B4GALNT3: variants seen among roughly 807,000 people sequenced by gnomAD.
The protein encoded by B4GALNT3 is beta-1,4-N-acetyl-galactosaminyltransferase 3.
A neutral mutation model predicts 120.2 loss-of-function variants in B4GALNT3; 86 were observed. The ratio of observed to expected loss-of-function variants is 0.72; its 90% CI spans 0.60 to 0.86. The LOEUF (loss-of-function observed/expected upper bound fraction) is 0.86, where lower values mean the gene tolerates loss of function less well. Ranked by LOEUF, B4GALNT3 falls within the 40% of genes least tolerant of loss-of-function variation. B4GALNT3 has a pLI of 0.00. For synonymous variants in B4GALNT3, 518 were observed against 510.4 expected (o/e 1.01, Z -0.20); for missense variants, 1,167 against 1,298.9 (o/e 0.90, Z 1.56).
chr12:520,092 G>C (rs564705405), intron 1 of B4GALNT3, among the ~76,000 whole-genome samples: 1 of 152,162 alleles, frequency 6.6e-6, no homozygotes, highest in Non-Finnish European at 1.5e-5. Flanking sequence ...GGATCGACGC[G>C]CTGGCTCAGG....
At chr12:545,206 C>T in intron 5 of B4GALNT3, 163 bp from the exon 6 acceptor site, 1 of 1,450,236 alleles carries the variant, frequency 6.9e-7, no homozygotes, top group Non-Finnish European at 9.1e-7. Context: ...TCTTCTCCAT[C>T]TTCACACTGT....
intron 3 of B4GALNT3, among the ~76,000 whole-genome samples, chr12:541,083 C>T (rs988661203): frequency 1.3e-5 from 2 of 152,146 alleles, no homozygotes; most frequent in Non-Finnish European, 2.9e-5. Flanking sequence ...TGGTCAGATC[C>T]GAGCTTTAGA....
chr12:514,223 A>C (rs911369458), intron 1 of B4GALNT3, among the ~76,000 whole-genome samples: 1 of 130,800 alleles, frequency 7.6e-6, no homozygotes. Flanking sequence ...TTTGAGACGG[A>C]GTCTCGCTCT....
chr12:494,116 A>G (rs1376691973), intron 1 of B4GALNT3, among the ~76,000 whole-genome samples: 1 of 151,980 alleles, frequency 6.6e-6, no homozygotes, highest in Admixed American at 6.6e-5. Context: ...CAAAAAATAC[A>G]AAAATTAGCT....
At chr12:542,531 C>T (rs1210473731) in intron 3 of B4GALNT3, among the ~76,000 whole-genome samples, 1 of 152,226 alleles carries the variant, frequency 6.6e-6, no homozygotes, top group East Asian at 1.9e-4. Flanking sequence ...CCACCTCCCA[C>T]AACCTGGACA....
intron 1 of B4GALNT3, among the ~76,000 whole-genome samples, chr12:531,068 C>T (rs1320950146): frequency 2.6e-5 from 4 of 152,122 alleles, no homozygotes; most frequent in Non-Finnish European, 5.9e-5. Flanking sequence ...CGACAAATGT[C>T]AGTAGTTAAA....
At chr12:561,236 C>T in intron 19 of B4GALNT3, 107 bp from the exon 20 acceptor site, 1 of 798,474 alleles carries the variant, frequency 1.3e-6, no homozygotes, top group Admixed American at 2.2e-5. Context: ...CTGCACCTGC[C>T]TTCCCTGCCC....
intron 1 of B4GALNT3, among the ~76,000 whole-genome samples, chr12:475,881 T>C (rs1946179957): frequency 1.3e-5 from 2 of 152,202 alleles, no homozygotes; most frequent in Non-Finnish European, 2.9e-5. Context: ...ATTGATGGAA[T>C]GCTTGGAAGA....
At chr12:511,774 A>C (rs1490147993) in intron 1 of B4GALNT3, among the ~76,000 whole-genome samples, 1 of 51,350 alleles carries the variant, frequency 1.9e-5, no homozygotes, top group Admixed American at 1.9e-4. Flanking sequence ...TCCACCTTCC[A>C]CCTTCTTCCA....
intron 1 of B4GALNT3, among the ~76,000 whole-genome samples, chr12:512,084 G>GACCTTCCACCTTCC (rs1348982865): frequency 2.3e-5 from 1 of 44,224 alleles, no homozygotes; most frequent in Non-Finnish European, 4.3e-5. Flanking sequence ...TTCCACCTTC[G>GACCTTCCACCTTCC]ACCTTCCACC....
intron 3 of B4GALNT3, among the ~76,000 whole-genome samples, chr12:542,185 C>T (rs966082759): frequency 6.6e-6 from 1 of 152,176 alleles, no homozygotes; most frequent in East Asian, 1.9e-4. Flanking sequence ...ATTGACCAGG[C>T]CAGTGTGCCC....
chr12:497,307 C>T (rs1946398708), intron 1 of B4GALNT3, among the ~76,000 whole-genome samples: 1 of 152,152 alleles, frequency 6.6e-6, no homozygotes, highest in Non-Finnish European at 1.5e-5. Context: ...GCACGTGCCA[C>T]CATGCCTGGT....
chr12:500,865 C>CTTTTTTTTGTTTTTTTTTTTTT (rs1946433504), intron 1 of B4GALNT3, among the ~76,000 whole-genome samples: 1 of 61,830 alleles, frequency 1.6e-5, no homozygotes, highest in Non-Finnish European at 2.7e-5. Context: ...GGCTCCACTG[C>CTTTTTTTTGTTTTTTTTTTTTT]TTTTTTTTTT....
chr12:536,157 T>A (rs1946856788), intron 2 of B4GALNT3, 61 bp from the exon 3 acceptor site: 1 of 1,439,082 alleles, frequency 6.9e-7, no homozygotes, highest in African/African-American at 1.4e-5. Context: ...GTGCCTCCTG[T>A]CCTGCCCGTA....
intron 1 of B4GALNT3, among the ~76,000 whole-genome samples, chr12:495,017 C>T (rs1425462283): frequency 6.6e-6 from 1 of 152,152 alleles, no homozygotes; most frequent in Non-Finnish European, 1.5e-5. Context: ...AAGCACAGTG[C>T]CGGCATTTTA....
intron 1 of B4GALNT3, among the ~76,000 whole-genome samples, chr12:479,506 C>G (rs1946214380): frequency 6.6e-6 from 1 of 152,092 alleles, no homozygotes; most frequent in Non-Finnish European, 1.5e-5. Context: ...ACCTAACAGC[C>G]AAGAAGAGAA....
At position 503,273 on chromosome 12, in the gene B4GALNT3, C is replaced by T. The variant is rs562660394; in HGVS notation, c.170-31893C>T. ...CAGCCCTGCATACCTGTTCTCTCAC[C>T]GACACACCTATCCGCTCAGTGACCA... is the stretch of plus-strand genomic sequence containing the variant. On this transcript the variant is annotated intron_variant, in intron 1 of 19. Transcript: ENST00000266383. 4.0e-4 allele frequency among the ~76,000 whole-genome samples: 61 copies of T among 152,216 alleles called. 1 individual carries two copies. Among genetic ancestry groups the T allele is most frequent in the Admixed American group, 1.8e-3 (28 of 15,282 alleles).
chr12:556,764 C>A lies in B4GALNT3; in HGVS notation c.2278C>A (p.Arg760Ser), dbSNP rs373185758. ...LQGLVWDPHNRRRQVLNTRAQ... is the reference protein window; with the variant it reads ...LQGLVWDPHNSRRQVLNTRAQ... ...AGGCCTGGTCTGGGACCCACACAAC[C>A]GTAGGAGACAGGTCCTGAATACCCG... The change falls in exon 15 of 20, where the codon CGT (arginine) becomes AGT (serine). Residue 760 changes from arginine (R) to serine (S), a missense_variant. By Grantham distance (110) the Arg-to-Ser change is moderately radical (BLOSUM62 -1). Coordinates refer to ENST00000266383, the MANE Select transcript of B4GALNT3 (RefSeq NM_173593.4). 3.2e-5 allele frequency: 52 copies of A among 1,612,648 alleles called. No homozygotes were observed. Among genetic ancestry groups the A allele is most frequent in the Non-Finnish European group, 4.2e-5 (49 of 1,179,152 alleles).
intron 14 of B4GALNT3, among the ~76,000 whole-genome samples, chr12:554,348 T>C (rs1427169140): frequency 1.3e-5 from 2 of 152,214 alleles, no homozygotes; most frequent in South Asian, 2.1e-4. Flanking sequence ...AGACCCTGCA[T>C]GTGGGCTGGA....
Sources: allele counts gnomAD v4.1 joint callset (sites outside exome capture counted in the v4.1 genomes callset), GRCh38; gene constraint gnomAD v4.1.1; transcripts MANE v1.5; gene names NCBI Gene and HGNC (gene_info 2026-07-23, HGNC 2026-07-21).